LY96: variants seen among roughly 807,000 people sequenced by gnomAD.
LY96 encodes the protein myeloid differentiation protein-2.
Under a neutral mutation model 18.9 loss-of-function variants are expected in LY96, and 18 were observed. The observed-to-expected ratio is 0.95, with a 90% CI of 0.66 to 1.41. The LOEUF (loss-of-function observed/expected upper bound fraction) is 1.41, where lower values mean the gene tolerates loss of function less well. Among genes scored for constraint, LY96 ranks in the 40% most tolerant of loss-of-function variants. The pLI is 0.00. For synonymous variants in LY96, 66 were observed against 62.6 expected (o/e 1.06, Z -0.26); for missense variants, 175 against 182.4 (o/e 0.96, Z 0.23).
the LY96 span, among the ~76,000 whole-genome samples, chr8:74,086,235 T>C: frequency 1.3e-5 from 2 of 152,200 alleles, no homozygotes; most frequent in Admixed American, 1.3e-4. Flanking sequence ...TAGCCACTCC[T>C]TACCCAATCC....
chr8:74,093,867 A>C, the LY96 span, among the ~76,000 whole-genome samples: 4 of 152,202 alleles, frequency 2.6e-5, no homozygotes, highest in Admixed American at 6.5e-5. Flanking sequence ...TTCATAAATG[A>C]ATCTTGGTGT....
chr8:74,092,333 C>A, the LY96 span, among the ~76,000 whole-genome samples: 57 of 152,240 alleles, frequency 3.7e-4, no homozygotes, highest in African/African-American at 1.4e-3. Context: ...AAAAGGAAAA[C>A]AGGGAAAATG....
chr8:74,033,986 GTGGCCAATTAATTCT>G (rs1394975139), downstream of LY96, among the ~76,000 whole-genome samples: 1 of 151,858 alleles, frequency 6.6e-6, no homozygotes, highest in African/African-American at 2.4e-5. Flanking sequence ...AGGAACCTAT[GTGGCCAATTAATTCT>G]TGCTGCACTT....
In LY96 at chr8:74,004,893, C is replaced by T. The variant is rs765100003; in HGVS notation, c.202+8C>T. ...ACATTTTCTACATTCCAAGTAAGTT[C>T]AAATTTTTGCTTTTATAGACCAATC... On this transcript the variant is annotated splice_region_variant and intron_variant, in intron 2 of 4. Transcript: ENST00000284818. 2 of 1,589,198 alleles carry T rather than the reference C, an allele frequency of 1.3e-6. No homozygotes were observed. Among genetic ancestry groups the T allele is most frequent in the Non-Finnish European group, 1.7e-6 (2 of 1,160,452 alleles).
At chr8:74,020,106 A>G (rs1356225843) in intron 3 of LY96, among the ~76,000 whole-genome samples, 2 of 152,220 alleles carry the variant, frequency 1.3e-5, no homozygotes, top group African/African-American at 4.8e-5. Flanking sequence ...AGGGTATTCA[A>G]TTAGGAAAAG....
chr8:74,068,102 A>ATAT, the LY96 span, among the ~76,000 whole-genome samples: 1 of 139,306 alleles, frequency 7.2e-6, no homozygotes, highest in African/African-American at 2.8e-5. Context: ...ATATATATAT[A>ATAT]ACATTTCCTT....
At chr8:74,070,439 G>C in the LY96 span, among the ~76,000 whole-genome samples, 1 of 152,212 alleles carries the variant, frequency 6.6e-6, no homozygotes, top group Non-Finnish European at 1.5e-5. Context: ...AGCTTCTTTA[G>C]ATGGTGACAA....
chr8:74,026,710 G>A, intron 3 of LY96, 79 bp from the exon 4 acceptor site: 3 of 769,868 alleles, frequency 3.9e-6, no homozygotes, highest in Middle Eastern at 2.3e-4. Context: ...CAGTAGTTAA[G>A]GTATACTCCA....
At chr8:74,074,396 C>A in the LY96 span, among the ~76,000 whole-genome samples, 4 of 151,914 alleles carry the variant, frequency 2.6e-5, no homozygotes, top group East Asian at 3.9e-4. Context: ...TCTTTTGATT[C>A]TTTTTCTTTC....
At chr8:74,045,837 C>G in the LY96 span, among the ~76,000 whole-genome samples, 2 of 152,298 alleles carry the variant, frequency 1.3e-5, no homozygotes, top group South Asian at 4.1e-4. Context: ...CTGCTACACC[C>G]TCAGATCTCC....
the LY96 span, among the ~76,000 whole-genome samples, chr8:74,053,322 T>C: frequency 6.6e-6 from 1 of 152,230 alleles, no homozygotes; most frequent in Non-Finnish European, 1.5e-5. Flanking sequence ...ATCTAACCCA[T>C]ATCTCAGTCA....
At chr8:74,024,307 A>C (rs1398821788) in intron 3 of LY96, among the ~76,000 whole-genome samples, 2 of 151,214 alleles carry the variant, frequency 1.3e-5, no homozygotes, top group African/African-American at 4.8e-5. Flanking sequence ...TCAAAGAAAC[A>C]AGCAAGTTAA....
the LY96 span, among the ~76,000 whole-genome samples, chr8:74,048,950 G>A: frequency 1.3e-5 from 2 of 152,238 alleles, no homozygotes; most frequent in African/African-American, 2.4e-5. Context: ...AGCCGTAAGG[G>A]AGGCTCAGAA....
intron 1 of LY96, among the ~76,000 whole-genome samples, chr8:74,003,363 A>G (rs902137968): frequency 2.0e-5 from 3 of 152,250 alleles, no homozygotes; most frequent in Non-Finnish European, 4.4e-5. Context: ...GCAGGCTTAC[A>G]GTGGCACAAA....
the LY96 span, among the ~76,000 whole-genome samples, chr8:74,060,456 T>C: frequency 6.6e-6 from 1 of 152,222 alleles, no homozygotes; most frequent in Non-Finnish European, 1.5e-5. Context: ...CTTTTCACTC[T>C]TAAATCATTT....
chr8:73,996,558 C>T (rs1416399254), intron 1 of LY96, among the ~76,000 whole-genome samples: 1 of 151,922 alleles, frequency 6.6e-6, no homozygotes, highest in Non-Finnish European at 1.5e-5. Flanking sequence ...GCTGGGACTA[C>T]AGCCATGCAT....
At chr8:74,025,568 T>G (rs1412661451) in intron 3 of LY96, among the ~76,000 whole-genome samples, 3 of 144,154 alleles carry the variant, frequency 2.1e-5, no homozygotes, top group South Asian at 2.1e-4. Flanking sequence ...GGCAGGAGAA[T>G]GGCGTGAACC....
chr8:74,070,313 A>G, the LY96 span, among the ~76,000 whole-genome samples: 1 of 151,830 alleles, frequency 6.6e-6, no homozygotes, highest in Non-Finnish European at 1.5e-5. Context: ...GGACGGTCTC[A>G]ATCTCCTGAC....
At chr8:74,054,624 C>A in the LY96 span, among the ~76,000 whole-genome samples, 1 of 89,178 alleles carries the variant, frequency 1.1e-5, no homozygotes, top group Non-Finnish European at 2.0e-5. Context: ...TTCCTTCTTT[C>A]TTTCTTTCTT....
Sources: gnomAD v4.1 joint callset for allele counts (sites outside exome capture counted in the v4.1 genomes callset) on GRCh38, gnomAD v4.1.1 for gene constraint, MANE v1.5 for transcripts, NCBI Gene and HGNC (gene_info 2026-07-23, HGNC 2026-07-21) for gene names.